Variants in FLT1 observed in about 807,000 individuals in gnomAD.
FLT1 encodes the protein fms related receptor tyrosine kinase 1, also known as vascular endothelial growth factor receptor 1.
In FLT1, 49 loss-of-function variants were observed where a neutral mutation model predicts 156.3. The observed-to-expected ratio is 0.31, with a 90% CI of 0.25 to 0.40. The LOEUF (loss-of-function observed/expected upper bound fraction) is 0.40, where lower values mean the gene tolerates loss of function less well. Ranked by LOEUF, FLT1 falls within the 10% of genes least tolerant of loss-of-function variation. The pLI, the probability that FLT1 is intolerant of heterozygous loss-of-function variation, is 1.00. For missense variants in FLT1, 1,322 were observed against 1,637.2 expected, an observed-to-expected ratio of 0.81 and a Z score of 3.32; for synonymous variants, 594 against 583.8, an observed-to-expected ratio of 1.02 and a Z score of -0.25.
intron 1 of FLT1, among the ~76,000 whole-genome samples, chr13:28,476,851 C>T (rs1163224490): frequency 1.3e-5 from 2 of 152,164 alleles, no homozygotes; most frequent in African/African-American, 4.8e-5. Flanking sequence ...CATTTTAAGG[C>T]TGTCTTACAA....
chr13:28,303,405 T>G (rs371128203), intron 29 of FLT1, 37 bp from the exon 30 acceptor site: 1 of 1,596,918 alleles, frequency 6.3e-7, no homozygotes, highest in South Asian at 1.1e-5. Context: ...ATATTCAAAA[T>G]TGGTTTTTTA....
chr13:28,417,160 T>C (rs1876701599), intron 10 of FLT1, among the ~76,000 whole-genome samples: 1 of 152,228 alleles, frequency 6.6e-6, no homozygotes, highest in Non-Finnish European at 1.5e-5. Context: ...AGTGACTGCC[T>C]GCCTCAACCA....
intron 1 of FLT1, 51 bp downstream of exon 1, chr13:28,494,729 G>C (rs2137683686): frequency 6.9e-7 from 1 of 1,449,182 alleles, no homozygotes. Flanking sequence ...TCTGCCCTCC[G>C]GCCGCCCCAT....
At chr13:28,326,969 G>A (rs1286036403) in intron 20 of FLT1, among the ~76,000 whole-genome samples, 1 of 152,234 alleles carries the variant, frequency 6.6e-6, no homozygotes, top group Non-Finnish European at 1.5e-5. Context: ...AGGGGAAAGG[G>A]CAGTGGAAAA....
chr13:28,303,226 A>T lies in FLT1; in HGVS notation c.3958T>A (p.Cys1320Ser). ...DHAELERKIA[C>S]CSPPPDYNSV... ...TTGTAGTCTGGGGGCGGGGAGCAGC[A>T]CGCGATTTTCCTTTCCAGCTCAGCG... Residue 1320 changes from cysteine (C) to serine (S), a missense_variant, in exon 30 of 30, where the codon TGC becomes AGC. Cys to Ser is a moderately radical substitution (Grantham distance 112, BLOSUM62 -1). Transcript: ENST00000282397. 6.2e-7 allele frequency: 1 copy of T among 1,613,652 alleles called. No homozygotes were observed. Among genetic ancestry groups the T allele is most frequent in the Non-Finnish European group, 8.5e-7 (1 of 1,179,980 alleles).
At chr13:28,323,488 C>T (rs1449605584) in intron 20 of FLT1, among the ~76,000 whole-genome samples, 1 of 151,930 alleles carries the variant, frequency 6.6e-6, no homozygotes, top group Non-Finnish European at 1.5e-5. Context: ...CCCGTCTCTA[C>T]TGAAAATACA....
chr13:28,415,201 C>T (rs1281275024), intron 10 of FLT1, among the ~76,000 whole-genome samples: 2 of 152,166 alleles, frequency 1.3e-5, no homozygotes, highest in Non-Finnish European at 2.9e-5. Context: ...CCACTTTGCC[C>T]GGGTGCGGTG....
chr13:28,494,202 T>G (rs915240568), intron 1 of FLT1, among the ~76,000 whole-genome samples: 3 of 152,184 alleles, frequency 2.0e-5, no homozygotes, highest in Admixed American at 2.0e-4. Flanking sequence ...GGCCCTCTCC[T>G]GAGATCCTCC....
At chr13:28,440,067 C>G (rs1324797717) in intron 3 of FLT1, among the ~76,000 whole-genome samples, 2 of 152,162 alleles carry the variant, frequency 1.3e-5, no homozygotes, top group Non-Finnish European at 2.9e-5. Context: ...TCCCACTCAT[C>G]CTCCGGGAAG....
intron 1 of FLT1, among the ~76,000 whole-genome samples, chr13:28,494,127 C>A (rs1259479662): frequency 6.6e-6 from 1 of 152,098 alleles, no homozygotes; most frequent in Non-Finnish European, 1.5e-5. Context: ...GGAGCGGGCG[C>A]TCGCCGAGCG....
chr13:28,433,855 G>A lies in FLT1; in HGVS notation c.777C>T (p.Asn259=), dbSNP rs1877854944. Residue 259 remains asparagine, a synonymous_variant, in exon 6 of 30, where the codon AAC becomes AAT. Coordinates refer to ENST00000282397, the MANE Select transcript of FLT1 (RefSeq NM_002019.4). ...VLNCTATTPL[N]TRVQMTWSYP... is the part of the protein sequence containing the mutation. ...AACTCCAGGTCATTTGAACTCTCGT[G>A]TTCAAGGGAGTGGTAGCAGTACAAT... The A allele has an allele frequency of 6.2e-7, 1 of 1,613,914 alleles. No individual in the cohort carries two copies. Among genetic ancestry groups the A allele is most frequent in the South Asian group, 1.1e-5 (1 of 91,078 alleles).
Position 28,302,715 on chromosome 13 carries a change from C to T in FLT1, c.*452G>A. The T allele has an allele frequency of 4.2e-6, 1 of 240,468 alleles. No individual in the cohort carries two copies. The highest frequency in any genetic ancestry group is 5.9e-5 in the East Asian group (1 of 16,878). The allele number at this position is 240,468 out of a possible 1,614,324, so 14.9% of individuals were successfully genotyped here. On this transcript the variant is annotated 3_prime_UTR_variant, in exon 30 of 30. Transcript: ENST00000282397. ...CTTTTCCTCCTCACATGTCTTAGGC[C>T]TGCTAGAGGACTCCCGAGATGTTGC...
intron 14 of FLT1, among the ~76,000 whole-genome samples, chr13:28,367,254 T>C (rs1270082002): frequency 6.6e-6 from 1 of 152,190 alleles, no homozygotes; most frequent in Non-Finnish European, 1.5e-5. Flanking sequence ...GTTTTATGCG[T>C]TTGCTAAAGC....
chr13:28,399,881 C>T (rs1208910985), intron 11 of FLT1, among the ~76,000 whole-genome samples: 2 of 152,198 alleles, frequency 1.3e-5, no homozygotes, highest in African/African-American at 4.8e-5. Flanking sequence ...CCTTACAATG[C>T]ACCAGGCAGC....
At chr13:28,382,855 C>T (rs1874134642) in intron 14 of FLT1, among the ~76,000 whole-genome samples, 1 of 152,054 alleles carries the variant, frequency 6.6e-6, no homozygotes, top group Non-Finnish European at 1.5e-5. Flanking sequence ...TGGTTTTGAA[C>T]CTGCTGAGTG....
rs763316103 is a variant in FLT1, at chr13:28,322,467, T to C, written c.2954-108A>G. 8.8e-6 allele frequency: 7 copies of C among 798,692 alleles called. No homozygotes were observed. The highest frequency in any genetic ancestry group is 5.1e-5 in the African/African-American group (3 of 58,924). 49.5% of individuals were successfully genotyped at this position (798,692 alleles called of 1,614,324 possible). ...AACATAAAACAAACCAACAAGTAGA[T>C]CAGAGTTCATTTTTAAGAGTATTTG... On this transcript the variant is annotated intron_variant, in intron 21 of 29. Coordinates refer to ENST00000282397, the MANE Select transcript of FLT1 (RefSeq NM_002019.4). The surrounding 1 kb of genome is among the most constrained non-coding windows in gnomAD (Gnocchi z 4.3).
intron 14 of FLT1, among the ~76,000 whole-genome samples, chr13:28,364,360 A>G (rs551186870): frequency 2.0e-5 from 3 of 152,312 alleles, no homozygotes; most frequent in South Asian, 4.1e-4. Context: ...TTATAGGCGT[A>G]AGCCACAGTC....
intron 3 of FLT1, among the ~76,000 whole-genome samples, chr13:28,451,221 G>C (rs893242282): frequency 6.6e-6 from 1 of 152,130 alleles, no homozygotes; most frequent in African/African-American, 2.4e-5. Flanking sequence ...TCAGGAGTTC[G>C]AGACCAGCCT....
chr13:28,451,610 T>C (rs1403226126), intron 3 of FLT1, among the ~76,000 whole-genome samples: 1 of 126,060 alleles, frequency 7.9e-6, no homozygotes, highest in Non-Finnish European at 1.6e-5. Context: ...CATAGCTGTG[T>C]GCGGGGCGGC....
Sources: gnomAD v4.1 joint callset for allele counts (sites outside exome capture counted in the v4.1 genomes callset) on GRCh38, gnomAD v4.1.1 for gene constraint, Gnocchi (gnomAD v3.1) non-coding constraint, MANE v1.5 for transcripts, NCBI Gene and HGNC (gene_info 2026-07-23, HGNC 2026-07-21) for gene names.